The following CRTC1 variants were observed in gnomAD, a reference collection of about 807,000 sequenced individuals.
CRTC1 encodes the protein CREB-regulated transcription coactivator 1.
Under a neutral mutation model 66.1 loss-of-function variants are expected in CRTC1, and 18 were observed. The ratio of observed to expected loss-of-function variants is 0.27; its 90% CI spans 0.19 to 0.40. The LOEUF (loss-of-function observed/expected upper bound fraction) is 0.40. CRTC1 is among the 10% of genes least tolerant of loss of function. The pLI, the probability that CRTC1 is intolerant of heterozygous loss-of-function variation, is 1.00. For synonymous variants in CRTC1, 416 were observed against 398.8 expected, an observed-to-expected ratio of 1.04 and a Z score of -0.51; for missense variants, 669 against 887.9, an observed-to-expected ratio of 0.75 and a Z score of 3.13.
intron 1 of CRTC1, among the ~76,000 whole-genome samples, chr19:18,690,924 G>C (rs2052815508): frequency 6.6e-6 from 1 of 151,802 alleles, no homozygotes; most frequent in African/African-American, 2.4e-5. Flanking sequence ...TACTCGGGAG[G>C]CTGAGGCAGG....
chr19:18,703,819 A>C (rs551194631), intron 1 of CRTC1, among the ~76,000 whole-genome samples: 54 of 152,206 alleles, frequency 3.5e-4, no homozygotes, highest in African/African-American at 1.2e-3. Context: ...GCTGGTCTCG[A>C]ACTCCTGACC....
chr19:18,772,849 C>T (rs887012852), intron 11 of CRTC1, among the ~76,000 whole-genome samples: 11 of 152,130 alleles, frequency 7.2e-5, no homozygotes, highest in Non-Finnish European at 8.8e-5. Context: ...CTGGTCTCGT[C>T]GTGTGGTACT....
At chr19:18,752,114 C>A (rs993312814) in intron 5 of CRTC1, among the ~76,000 whole-genome samples, 7 of 146,948 alleles carry the variant, frequency 4.8e-5, no homozygotes, top group Non-Finnish European at 1.5e-5. Context: ...GGTGCCACTG[C>A]ACTCCAGCCT....
At chr19:18,743,117 TCAGA>T (rs1297060353) in intron 2 of CRTC1, 91 bp downstream of exon 2, 2 of 1,041,970 alleles carry the variant, frequency 1.9e-6, no homozygotes, top group African/African-American at 3.1e-5. Flanking sequence ...GCTGGGGTTA[TCAGA>T]CAGTTGGCGG....
At chr19:18,703,718 C>T (rs12610636) in intron 1 of CRTC1, among the ~76,000 whole-genome samples, 15,845 of 152,174 alleles carry the variant, frequency 0.1, 1,049 homozygotes, top group East Asian at 0.26. Flanking sequence ...TTGCCTTGGC[C>T]TCCCAAAGTG....
At chr19:18,733,268 G>A (rs557239142) in intron 1 of CRTC1, among the ~76,000 whole-genome samples, 1 of 152,254 alleles carries the variant, frequency 6.6e-6, no homozygotes, top group East Asian at 1.9e-4. Flanking sequence ...TGGGCGCTTG[G>A]CCAGCTGGCA....
intron 1 of CRTC1, among the ~76,000 whole-genome samples, chr19:18,694,317 AG>A (rs369552929): frequency 2.1e-4 from 25 of 119,870 alleles, no homozygotes; most frequent in Non-Finnish European, 2.2e-4. Context: ...AAAAAAAAAA[AG>A]AAGAAGAGAC....
intron 1 of CRTC1, among the ~76,000 whole-genome samples, chr19:18,687,697 G>T (rs781542879): frequency 2.6e-5 from 4 of 152,202 alleles, no homozygotes; most frequent in Non-Finnish European, 5.9e-5. Context: ...ACTCATGCGT[G>T]TCTGTTCACA....
Position 18,779,991 on chromosome 19 carries a change from C to T in CRTC1, c.*2609C>T, listed in dbSNP as rs959738203. ...TATCACGGCCTTTTGTGTGTGCGTA[C>T]GTGTGGTTTTTTTAAATATCACTAC... On this transcript the variant is annotated 3_prime_UTR_variant, in exon 14 of 14. Transcript: ENST00000321949. 4 of 228,514 alleles carry T rather than the reference C, an allele frequency of 1.8e-5. No individual in the cohort carries two copies. Among genetic ancestry groups the T allele is most frequent in the Middle Eastern group, 1.3e-3 (1 of 782 alleles). The allele number at this position is 228,514 out of a possible 1,614,324, so 14.2% of individuals were successfully genotyped here.
chr19:18,710,488 C>T (rs1339656255), intron 1 of CRTC1, among the ~76,000 whole-genome samples: 9 of 150,694 alleles, frequency 6.0e-5, no homozygotes, highest in Non-Finnish European at 1.0e-4. Context: ...TGTGAGTCGG[C>T]GGCCGGCCGG....
At chr19:18,750,517 G>C (rs1008501644) in intron 5 of CRTC1, among the ~76,000 whole-genome samples, 1 of 152,240 alleles carries the variant, frequency 6.6e-6, no homozygotes, top group Non-Finnish European at 1.5e-5. Context: ...GAGGGCATAT[G>C]CTGTCTTAAA....
chr19:18,711,833 G>T (rs1249489028), intron 1 of CRTC1, among the ~76,000 whole-genome samples: 1 of 152,196 alleles, frequency 6.6e-6, no homozygotes, highest in African/African-American at 2.4e-5. Context: ...ATGGCACTAG[G>T]GTGGTCTACT....
At chr19:18,704,674 T>C (rs1348034212) in intron 1 of CRTC1, among the ~76,000 whole-genome samples, 1 of 152,184 alleles carries the variant, frequency 6.6e-6, no homozygotes, top group Non-Finnish European at 1.5e-5. Context: ...ATCGCACCAC[T>C]GCACTGCAGC....
At chr19:18,729,661 A>C (rs1450688161) in intron 1 of CRTC1, among the ~76,000 whole-genome samples, 5 of 152,170 alleles carry the variant, frequency 3.3e-5, no homozygotes, top group Non-Finnish European at 5.9e-5. Flanking sequence ...GGATTGCTTG[A>C]GCCTGGAAGG....
At chr19:18,749,370 G>C (rs969522432) in intron 4 of CRTC1, among the ~76,000 whole-genome samples, 3 of 152,174 alleles carry the variant, frequency 2.0e-5, no homozygotes, top group African/African-American at 7.2e-5. Flanking sequence ...CAGACTGGAG[G>C]CTCATACCCC....
chr19:18,728,439 C>CA (rs2053809305), intron 1 of CRTC1, among the ~76,000 whole-genome samples: 1 of 152,162 alleles, frequency 6.6e-6, no homozygotes, highest in African/African-American at 2.4e-5. Flanking sequence ...TTCCTGACAC[C>CA]AAGTCACTTG....
chr19:18,738,411 A>G (rs192305293), intron 1 of CRTC1, among the ~76,000 whole-genome samples: 19 of 152,328 alleles, frequency 1.2e-4, no homozygotes, highest in African/African-American at 3.8e-4. Context: ...CAGCTCCCCA[A>G]TCCCCGTGTT....
At chr19:18,726,929 GAAAA>G (rs57708407) in intron 1 of CRTC1, among the ~76,000 whole-genome samples, 50 of 111,898 alleles carry the variant, frequency 4.5e-4, no homozygotes, top group African/African-American at 1.4e-3. Flanking sequence ...CCGTCTTGGG[GAAAA>G]AAAAAAAAAA....
chr19:18,693,931 C>T (rs969231081), intron 1 of CRTC1, among the ~76,000 whole-genome samples: 2 of 151,882 alleles, frequency 1.3e-5, no homozygotes, highest in African/African-American at 4.8e-5. Context: ...GTCAGGAGTT[C>T]GAGCCAGCCT....
Sources: allele counts gnomAD v4.1 joint callset (sites outside exome capture counted in the v4.1 genomes callset), GRCh38; gene constraint gnomAD v4.1.1; transcripts MANE v1.5; gene names NCBI Gene and HGNC (gene_info 2026-07-23, HGNC 2026-07-21).